The following PTK2B variants were observed in gnomAD, a reference collection of about 807,000 sequenced individuals.
The protein encoded by PTK2B is protein-tyrosine kinase 2-beta.
In PTK2B, 71 loss-of-function variants were observed where a neutral mutation model predicts 142.9. That is an observed-to-expected ratio of 0.50 (90% CI 0.41 to 0.61). PTK2B has a LOEUF of 0.61. Ranked by LOEUF, PTK2B falls within the 20% of genes least tolerant of loss-of-function variation. PTK2B has a pLI of 0.00. For missense variants in PTK2B, 1,105 were observed against 1,320.4 expected, an observed-to-expected ratio of 0.84 and a Z score of 2.53; for synonymous variants, 519 against 503.4, an observed-to-expected ratio of 1.03 and a Z score of -0.42.
chr8:27,332,580 T>G (rs1339843309), intron 1 of PTK2B, among the ~76,000 whole-genome samples: 1 of 149,816 alleles, frequency 6.7e-6, no homozygotes, highest in African/African-American at 2.5e-5. Context: ...TTCCCCCAAT[T>G]TTTTTTTTTA....
rs540114154 is a variant in PTK2B, at chr8:27,327,447, A to C, written c.-38+1766A>C. Among the ~76,000 whole-genome samples the C allele has an allele frequency of 4.6e-5, 7 of 152,230 alleles. No homozygotes were observed. In the East Asian group the frequency reaches 1.4e-3, roughly 29 times the overall value. On this transcript the variant is annotated intron_variant, in intron 1 of 30. Coordinates refer to ENST00000346049, the MANE Select transcript of PTK2B (RefSeq NM_173176.3). ...ACTACAAATATGTCTCATGAACTAC[A>C]TGGAACATACTTATACTCAAACATT...
intron 1 of PTK2B, among the ~76,000 whole-genome samples, chr8:27,346,084 A>G (rs576253705): frequency 1.3e-5 from 2 of 152,338 alleles, no homozygotes; most frequent in East Asian, 1.9e-4. Flanking sequence ...TTTGAAGTTA[A>G]GGAGAAGCTG....
chr8:27,362,808 T>TCTCCCACACGAAATCTAGAACTG (rs1213129581), intron 1 of PTK2B, among the ~76,000 whole-genome samples: 1 of 152,018 alleles, frequency 6.6e-6, no homozygotes, highest in African/African-American at 2.4e-5. Context: ...ATCTAGAACT[T>TCTCCCACACGAAATCTAGAACTG]CTCCCACACG....
chr8:27,357,399 A>AG (rs1805449689), intron 1 of PTK2B, among the ~76,000 whole-genome samples: 1 of 152,224 alleles, frequency 6.6e-6, no homozygotes, highest in African/African-American at 2.4e-5. Flanking sequence ...CATCATTTCC[A>AG]GGGGTCTTCT....
At chr8:27,421,531 C>T (rs545494732) in intron 4 of PTK2B, among the ~76,000 whole-genome samples, 1 of 152,190 alleles carries the variant, frequency 6.6e-6, no homozygotes, top group Non-Finnish European at 1.5e-5. Context: ...TTAGCTCCCC[C>T]TTATGAGTGA....
intron 1 of PTK2B, among the ~76,000 whole-genome samples, chr8:27,336,868 C>G (rs923927580): frequency 1.3e-5 from 2 of 151,966 alleles, no homozygotes; most frequent in African/African-American, 4.8e-5. Flanking sequence ...CGGAGTCTCT[C>G]TCTGTCACCC....
chr8:27,335,461 G>A (rs565636683), intron 1 of PTK2B, among the ~76,000 whole-genome samples: 2 of 152,160 alleles, frequency 1.3e-5, no homozygotes, highest in South Asian at 2.1e-4. Context: ...ATATTGTGGC[G>A]CAGGCCTGTA....
At position 27,451,469 on chromosome 8, in the gene PTK2B, T is replaced by A. The variant is rs747063823; in HGVS notation, c.2524-16T>A. On this transcript the variant is annotated splice_polypyrimidine_tract_variant and intron_variant, in intron 26 of 30. Transcript: ENST00000346049. ...CGCATGAGTGACGTTCCTGTTCTCT[T>A]TCCTCCTTCCTCCAGACGCCAGAGA... The A allele has an allele frequency of 1.2e-6, 2 of 1,613,954 alleles. No homozygotes were observed. Among genetic ancestry groups the A allele is most frequent in the Admixed American group, 3.3e-5 (2 of 59,988 alleles).
intron 7 of PTK2B, 89 bp from the exon 8 acceptor site, chr8:27,430,787 C>G: frequency 6.6e-7 from 1 of 1,506,542 alleles, no homozygotes; most frequent in South Asian, 1.3e-5. Context: ...CATTTTCGAG[C>G]AGTGGGCAGT....
chr8:27,336,546 A>T (rs76232164), intron 1 of PTK2B, among the ~76,000 whole-genome samples: 2,084 of 152,342 alleles, frequency 0.014, 28 homozygotes, highest in Admixed American at 0.023. Flanking sequence ...AAAAAAAATT[A>T]AAAAGCTTAT....
intron 2 of PTK2B, among the ~76,000 whole-genome samples, chr8:27,412,411 C>T (rs1306744367): frequency 6.6e-6 from 1 of 152,212 alleles, no homozygotes; most frequent in Non-Finnish European, 1.5e-5. Context: ...GCCATCCTAA[C>T]TCTTGGGAAA....
At chr8:27,416,457 A>G (rs548004926) in intron 2 of PTK2B, among the ~76,000 whole-genome samples, 13 of 152,380 alleles carry the variant, frequency 8.5e-5, no homozygotes, top group African/African-American at 2.9e-4. Flanking sequence ...CCGTAGATCT[A>G]TATTTTTGAA....
At chr8:27,378,935 G>T (rs575992827) in intron 1 of PTK2B, among the ~76,000 whole-genome samples, 1 of 152,184 alleles carries the variant, frequency 6.6e-6, no homozygotes, top group African/African-American at 2.4e-5. Flanking sequence ...AATGAACAAA[G>T]AGCTAAAGGA....
At position 27,369,536 on chromosome 8, in the gene PTK2B, G is replaced by C. The variant is rs75741622; in HGVS notation, c.-37-28012G>C. Among the ~76,000 whole-genome samples, 977 of 151,814 alleles carry C rather than the reference G, an allele frequency of 6.4e-3. 13 individuals are homozygous for C. Among genetic ancestry groups the C allele is most frequent in the African/African-American group, 0.023 (951 of 41,328 alleles). On this transcript the variant is annotated intron_variant, in intron 1 of 30. Coordinates refer to ENST00000346049, the MANE Select transcript of PTK2B (RefSeq NM_173176.3). ...AATACAAAAATTAGCCAGGCGTGGT[G>C]GTGGGTGCCTTTTGTCCCAGCTACT...
intron 22 of PTK2B, 112 bp downstream of exon 22, chr8:27,443,095 A>G: frequency 1.5e-6 from 1 of 672,210 alleles, no homozygotes. Context: ...GCCCTTTCTC[A>G]GTCCTTCACC....
intron 24 of PTK2B, among the ~76,000 whole-genome samples, chr8:27,448,572 G>A (rs925870680): frequency 3.3e-5 from 5 of 150,828 alleles, no homozygotes; most frequent in African/African-American, 1.2e-4. Context: ...CATTTTAGTG[G>A]TGGAATCTTC....
At chr8:27,385,445 T>C (rs1248595722) in intron 1 of PTK2B, among the ~76,000 whole-genome samples, 3 of 152,204 alleles carry the variant, frequency 2.0e-5, no homozygotes, top group Non-Finnish European at 4.4e-5. Flanking sequence ...TCACATTTCA[T>C]TGAGATATCT....
Position 27,438,025 on chromosome 8 carries a change from A to G in PTK2B, c.1643+145A>G. On this transcript the variant is annotated intron_variant, in intron 18 of 30. Transcript: ENST00000346049. The stretch of plus-strand genomic sequence containing the variant: ...GCCCAGCAGCTTTGAGCACTTGAGC[A>G]ACCTCTCTGACCCTGTGTCCTCATC... The G allele has an allele frequency of 4.4e-6, 3 of 680,938 alleles. No individual in the cohort carries two copies. In the South Asian group the frequency reaches 5.3e-5, roughly 12 times the overall value. 42.2% of individuals were successfully genotyped at this position (680,938 alleles called of 1,614,324 possible). A position where few individuals can be genotyped will look rare whatever the true frequency, so the allele number is the denominator to read the frequency against.
At chr8:27,339,303 A>G (rs1194277656) in intron 1 of PTK2B, among the ~76,000 whole-genome samples, 1 of 152,126 alleles carries the variant, frequency 6.6e-6, no homozygotes, top group African/African-American at 2.4e-5. Context: ...CCATCAGCAC[A>G]AAGGCTTCTG....
Sources: allele counts gnomAD v4.1 joint callset (sites outside exome capture counted in the v4.1 genomes callset), GRCh38; gene constraint gnomAD v4.1.1; transcripts MANE v1.5; gene names NCBI Gene and HGNC (gene_info 2026-07-23, HGNC 2026-07-21).